The following SGCG variants were observed in gnomAD, a reference collection of about 807,000 sequenced individuals.
The protein encoded by SGCG is gamma-sarcoglycan.
In SGCG, 26 loss-of-function variants were observed where a neutral mutation model predicts 29.3. The ratio of observed to expected loss-of-function variants is 0.89; its 90% confidence interval spans 0.65 to 1.23. The LOEUF (loss-of-function observed/expected upper bound fraction) is 1.23. Among genes scored for constraint, SGCG ranks in the 50% most tolerant of loss-of-function variants. The pLI is 0.00. For missense variants in SGCG, 353 were observed against 356.0 expected, an observed-to-expected ratio of 0.99 and a Z score of 0.07; for synonymous variants, 145 against 129.7, an observed-to-expected ratio of 1.12 and a Z score of -0.80.
the SGCG span, among the ~76,000 whole-genome samples, chr13:23,170,790 T>G: frequency 2.0e-5 from 3 of 152,168 alleles, no homozygotes; most frequent in Non-Finnish European, 4.4e-5. Context: ...GCAGTGACCC[T>G]CAGAAGTAAC....
intron 4 of SGCG, among the ~76,000 whole-genome samples, chr13:23,256,291 G>T (rs758091717): frequency 3.3e-5 from 5 of 152,050 alleles, no homozygotes; most frequent in Non-Finnish European, 7.4e-5. Flanking sequence ...CTAAACCAAT[G>T]AAATCTTTGA....
rs1255692538 is a variant in SGCG, at chr13:23,221,833, C to T, written c.196-12778C>T. Among the ~76,000 whole-genome samples the T allele has an allele frequency of 2.0e-5, 3 of 152,150 alleles. No homozygotes were observed. The East Asian group carries it at 5.8e-4, about 29-fold the overall frequency. Reference sequence around the variant, plus strand: ...AAGAGTTCAACAAAGGACAGGGGAACCTGTGGAAATAGTCAGGGACCAGAT... The same window carrying T: ...AAGAGTTCAACAAAGGACAGGGGAATCTGTGGAAATAGTCAGGGACCAGAT... On this transcript the variant is annotated intron_variant, in intron 2 of 7. Transcript: ENST00000218867.
chr13:23,297,847 C>T (rs1258292182), intron 6 of SGCG, among the ~76,000 whole-genome samples: 5 of 151,582 alleles, frequency 3.3e-5, no homozygotes, highest in East Asian at 2.0e-4. Flanking sequence ...CGGATTCAAG[C>T]GATTCTCCTG....
intron 2 of SGCG, among the ~76,000 whole-genome samples, chr13:23,227,263 G>A (rs775689198): frequency 4.4e-5 from 6 of 135,128 alleles, no homozygotes; most frequent in African/African-American, 1.1e-4. Flanking sequence ...TTCTTTTAAA[G>A]AAATTAAAAT....
At chr13:23,241,804 C>A (rs566542836) in intron 3 of SGCG, among the ~76,000 whole-genome samples, 1 of 152,116 alleles carries the variant, frequency 6.6e-6, no homozygotes, top group Non-Finnish European at 1.5e-5. Context: ...AAACACCATA[C>A]ATCACATCAA....
intron 7 of SGCG, among the ~76,000 whole-genome samples, chr13:23,321,111 G>C (rs1883025459): frequency 6.6e-6 from 1 of 152,060 alleles, no homozygotes; most frequent in Non-Finnish European, 1.5e-5. Context: ...GCTGTCACTA[G>C]GAGTCACCCA....
intron 5 of SGCG, among the ~76,000 whole-genome samples, chr13:23,291,869 C>T (rs368896634): frequency 2.0e-5 from 3 of 152,206 alleles, no homozygotes; most frequent in East Asian, 1.9e-4. Flanking sequence ...CCAAGTAAAT[C>T]GAGGGGCTGG....
intron 3 of SGCG, chr13:23,246,786 C>A: frequency 4.8e-6 from 1 of 209,070 alleles, no homozygotes; most frequent in South Asian, 9.0e-5. Flanking sequence ...CATGATGATC[C>A]ACTGCCGAGA....
chr13:23,291,936 C>T (rs1205004746), intron 5 of SGCG, among the ~76,000 whole-genome samples: 1 of 152,096 alleles, frequency 6.6e-6, no homozygotes, highest in African/African-American at 2.4e-5. Context: ...TTCCTCAAGC[C>T]TAGCTGCTGA....
chr13:23,300,176 A>G (rs754212686), intron 6 of SGCG, among the ~76,000 whole-genome samples: 4 of 152,252 alleles, frequency 2.6e-5, no homozygotes, highest in Non-Finnish European at 4.4e-5. Flanking sequence ...GAAGATACAC[A>G]TATACTACTG....
At position 23,228,654 on chromosome 13, in the gene SGCG, G is replaced by T. The variant is rs117307276; in HGVS notation, c.196-5957G>T. Among the ~76,000 whole-genome samples the T allele has an allele frequency of 6.3e-3, 954 of 152,020 alleles. 7 individuals are homozygous for T. The highest frequency in any genetic ancestry group is 0.01 in the Non-Finnish European group (690 of 67,960). ...CCTCAATTAGGTCCCAGGGTCTGTTGTTCCCCTCTATGTTTCCATGTGTTC... is the reference window on the plus strand; with the variant it reads ...CCTCAATTAGGTCCCAGGGTCTGTTTTTCCCCTCTATGTTTCCATGTGTTC... On this transcript the variant is annotated intron_variant, in intron 2 of 7. Transcript: ENST00000218867.
chr13:23,217,483 G>A (rs983844394), intron 2 of SGCG: 3 of 151,942 alleles, frequency 2.0e-5, no homozygotes, highest in Non-Finnish European at 4.4e-5. Flanking sequence ...AAGGCGCCAC[G>A]TCAATCTTTT....
intron 5 of SGCG, among the ~76,000 whole-genome samples, chr13:23,280,840 G>A (rs962675511): frequency 6.6e-6 from 1 of 152,134 alleles, no homozygotes; most frequent in East Asian, 1.9e-4. Flanking sequence ...AAATCTGCAG[G>A]GAAAATAGTC....
At chr13:23,223,653 A>G (rs934121463) in intron 2 of SGCG, among the ~76,000 whole-genome samples, 57 of 152,098 alleles carry the variant, frequency 3.7e-4, no homozygotes, top group African/African-American at 1.4e-3. Flanking sequence ...TTTGCCTCAC[A>G]TATTTTGTTG....
intron 3 of SGCG, among the ~76,000 whole-genome samples, chr13:23,241,789 A>G (rs1037675719): frequency 6.6e-6 from 1 of 152,182 alleles, no homozygotes; most frequent in African/African-American, 2.4e-5. Flanking sequence ...CATATGCAAA[A>G]CAATAAACAC....
chr13:23,218,777 G>A (rs1878530762), intron 2 of SGCG, among the ~76,000 whole-genome samples: 1 of 151,886 alleles, frequency 6.6e-6, no homozygotes, highest in South Asian at 2.1e-4. Context: ...GCATTTGAAT[G>A]ATGGTTGATA....
rs769893030 is a variant in SGCG, at chr13:23,320,613, TTG to T, written c.579-21_579-20del. On this transcript the variant is annotated intron_variant, in intron 6 of 7. Transcript: ENST00000218867. ...TTTTTAATACTTTTTTTTTTTTTTT[TTG>T]TGCTTCTTTTCCTCATCTCAGATTA... 0.03 allele frequency: 40,443 copies of T among 1,364,532 alleles called. 379 individuals carry two copies. The highest frequency in any genetic ancestry group is 0.042 in the East Asian group (1,489 of 35,040). The allele number at this position is 1,364,532 out of a possible 1,614,324, so 84.5% of individuals were successfully genotyped here.
At chr13:23,248,997 G>GAAAA (rs147956071) in intron 3 of SGCG, among the ~76,000 whole-genome samples, 13 of 112,860 alleles carry the variant, frequency 1.2e-4, no homozygotes, top group African/African-American at 2.1e-4. Flanking sequence ...TCACAGAAAA[G>GAAAA]AAAAAAAAAA....
At chr13:23,231,900 C>T (rs931253744) in intron 2 of SGCG, among the ~76,000 whole-genome samples, 2 of 152,082 alleles carry the variant, frequency 1.3e-5, no homozygotes, top group African/African-American at 4.8e-5. Flanking sequence ...GGGCAGATCA[C>T]CTGAGGTCAG....
Sources: allele counts gnomAD v4.1 joint callset (sites outside exome capture counted in the v4.1 genomes callset), GRCh38; gene constraint gnomAD v4.1.1; transcripts MANE v1.5; gene names NCBI Gene and HGNC (gene_info 2026-07-23, HGNC 2026-07-21).